The following PCDHGB5 variants were observed in gnomAD, a reference collection of about 807,000 sequenced individuals.
The protein encoded by PCDHGB5 is protocadherin gamma-B5.
A neutral mutation model predicts 62.9 loss-of-function variants in PCDHGB5; 48 were observed. That is an observed-to-expected ratio of 0.76 (90% confidence interval 0.61 to 0.97). The LOEUF (loss-of-function observed/expected upper bound fraction) is 0.97. PCDHGB5 is among the 50% of genes least tolerant of loss of function. The pLI is 0.00. For synonymous variants in PCDHGB5, 474 were observed against 511.2 expected (o/e 0.93, Z 0.98); for missense variants, 1,118 against 1,198.6 (o/e 0.93, Z 0.99).
rs531285035 is a variant in PCDHGB5, at chr5:141,493,409, C to T, written c.2398-1398C>T. Among the ~76,000 whole-genome samples, 4 of 152,286 alleles carry T rather than the reference C, an allele frequency of 2.6e-5. No homozygotes were observed. The East Asian group carries it at 7.7e-4, about 29-fold the overall frequency. On this transcript the variant is annotated intron_variant, in intron 1 of 3. Coordinates refer to ENST00000617380, the MANE Select transcript of PCDHGB5 (RefSeq NM_018925.3). The surrounding 1 kb of genome is among the most constrained non-coding windows in gnomAD (Gnocchi z 4.3). Reference sequence around the variant, plus strand: ...GGACAGGAGAGGGGAGTTGCCTCTGCTGGGATTTTGCTTCTGCTGGGATGG... The same window carrying T: ...GGACAGGAGAGGGGAGTTGCCTCTGTTGGGATTTTGCTTCTGCTGGGATGG...
chr5:141,419,085 C>T (rs759272094), intron 1 of PCDHGB5: 1 of 1,613,936 alleles, frequency 6.2e-7, no homozygotes, highest in Non-Finnish European at 8.5e-7. Flanking sequence ...ACAGATGAGG[C>T]CCTGGATCGG....
At chr5:141,483,753 G>A (rs1316976446) in intron 1 of PCDHGB5, among the ~76,000 whole-genome samples, 1 of 152,082 alleles carries the variant, frequency 6.6e-6, no homozygotes, top group Non-Finnish European at 1.5e-5. Flanking sequence ...CCTGAGGATC[G>A]AGGCTTGGAA....
At chr5:141,460,848 C>A (rs528601988) in intron 1 of PCDHGB5, among the ~76,000 whole-genome samples, 1 of 150,236 alleles carries the variant, frequency 6.7e-6, no homozygotes, top group African/African-American at 2.4e-5. Context: ...GCCTCCAGTT[C>A]GATCCAAGTT....
intron 1 of PCDHGB5, chr5:141,413,439 G>A (rs747331348): frequency 1.1e-4 from 179 of 1,613,988 alleles, no homozygotes; most frequent in Non-Finnish European, 1.4e-4. Flanking sequence ...GCGGCAGCTT[G>A]ATCACCGCGG....
At chr5:141,457,071 C>T in intron 1 of PCDHGB5, among the ~76,000 whole-genome samples, 1 of 152,188 alleles carries the variant, frequency 6.6e-6, no homozygotes, top group Non-Finnish European at 1.5e-5. Context: ...TTGCCAGTAA[C>T]TATTATCCCT....
intron 1 of PCDHGB5, 124 bp from the exon 2 acceptor site, chr5:141,494,683 C>G: frequency 6.4e-7 from 1 of 1,569,074 alleles, no homozygotes; most frequent in Non-Finnish European, 8.7e-7. Context: ...CCCCTGCCCC[C>G]TCTTAGTCCG....
At chr5:141,424,491 G>T (rs2096824224) in intron 1 of PCDHGB5, 1 of 152,122 alleles carries the variant, frequency 6.6e-6, no homozygotes, top group South Asian at 2.1e-4. Context: ...GTCTGTGTTT[G>T]TATGTATGGA....
intron 1 of PCDHGB5, chr5:141,408,586 C>G: frequency 6.2e-7 from 1 of 1,613,976 alleles, no homozygotes; most frequent in Non-Finnish European, 8.5e-7. Context: ...ATGTTAATGA[C>G]CACGCCCCTC....
rs1211398299 is a variant in PCDHGB5 at position 141,420,143 on chromosome 5, A to G, written c.2397+19619A>G. The G allele has an allele frequency of 1.2e-6, 2 of 1,614,052 alleles. No homozygotes were observed. The highest frequency in any genetic ancestry group is 2.2e-5 in the East Asian group (1 of 44,888). On this transcript the variant is annotated intron_variant, in intron 1 of 3. Transcript: ENST00000617380. The stretch of plus-strand genomic sequence containing the variant: ...TTTTTGTGTGCCTGGGGATCAAATG[A>G]ATCCAGAATTTAATTTTTTCACATC...
intron 1 of PCDHGB5, among the ~76,000 whole-genome samples, chr5:141,462,027 TG>T (rs1239347302): frequency 6.6e-6 from 1 of 152,220 alleles, no homozygotes; most frequent in African/African-American, 2.4e-5. Flanking sequence ...TTCTTCATGT[TG>T]GTCAGGCGGG....
intron 1 of PCDHGB5, among the ~76,000 whole-genome samples, chr5:141,460,888 C>T (rs530320189): frequency 1.3e-5 from 2 of 149,792 alleles, no homozygotes; most frequent in East Asian, 2.0e-4. Context: ...CATGCCTTTT[C>T]GTGGCTGAGT....
chr5:141,413,139 C>A, intron 1 of PCDHGB5: 1 of 1,553,028 alleles, frequency 6.4e-7, no homozygotes. Context: ...ACAACGTGTC[C>A]AGTGAGGACT....
chr5:141,487,403 C>T lies in PCDHGB5; in HGVS notation c.2398-7404C>T. 1 of 1,614,140 alleles carries T rather than the reference C, an allele frequency of 6.2e-7. No homozygotes were observed. Among genetic ancestry groups the T allele is most frequent in the South Asian group, 1.1e-5 (1 of 91,082 alleles). ...CAGATCTCGAAGGAGGGAGGGGCTTCCCCCTTCCAATGGGATCCTCCGAAT... is the reference window on the plus strand; with the variant it reads ...CAGATCTCGAAGGAGGGAGGGGCTTTCCCCTTCCAATGGGATCCTCCGAAT... On this transcript the variant is annotated intron_variant, in intron 1 of 3. Coordinates refer to ENST00000617380, the MANE Select transcript of PCDHGB5 (RefSeq NM_018925.3). The surrounding 1 kb of genome is among the most constrained non-coding windows in gnomAD (Gnocchi z 5.0).
intron 1 of PCDHGB5, among the ~76,000 whole-genome samples, chr5:141,460,753 A>ATATACATATTGCATATGTATG (rs1435827019): frequency 4.6e-5 from 7 of 152,094 alleles, no homozygotes; most frequent in Non-Finnish European, 1.0e-4. Flanking sequence ...ATATGTGTAC[A>ATATACATATTGCATATGTATG]TATACATATT....
chr5:141,414,965 C>T lies in PCDHGB5; in HGVS notation c.2397+14441C>T, dbSNP rs564450666. On this transcript the variant is annotated intron_variant, in intron 1 of 3. Coordinates refer to ENST00000617380, the MANE Select transcript of PCDHGB5 (RefSeq NM_018925.3). ...GGCTACCTGGTGACCAAGGTGGTGG[C>T]GGTGGACAGAGACTCCGGCCAGAAC... The T allele has an allele frequency of 7.9e-5, 127 of 1,613,962 alleles. No homozygotes were observed. The highest frequency in any genetic ancestry group is 7.7e-5 in the Non-Finnish European group (91 of 1,180,046).
At chr5:141,457,432 C>G (rs982456249) in intron 1 of PCDHGB5, among the ~76,000 whole-genome samples, 1 of 152,172 alleles carries the variant, frequency 6.6e-6, no homozygotes, top group Non-Finnish European at 1.5e-5. Context: ...TCCCCCCCAC[C>G]AAGCTGCAGA....
At chr5:141,412,509 A>G (rs1452202369) in intron 1 of PCDHGB5, 2 of 152,208 alleles carry the variant, frequency 1.3e-5, no homozygotes, top group Admixed American at 1.3e-4. Flanking sequence ...AATAAGTTTA[A>G]TGAATTAAGT....
rs140916255 is a variant in PCDHGB5, at chr5:141,475,995, C to A, written c.2398-18812C>A. 2,057 of 1,172,604 alleles carry A rather than the reference C, an allele frequency of 1.8e-3. 30 individuals carry two copies. The African/African-American group carries it at 0.027, about 16-fold the overall frequency. 72.6% of individuals were successfully genotyped at this position (1,172,604 alleles called of 1,614,324 possible). ...ACTGAACAGCCGGCGAGCAAATCAA[C>A]GGCATCCAGAAAGCCATGTCGGACT... On this transcript the variant is annotated intron_variant, in intron 1 of 3. Coordinates refer to ENST00000617380, the MANE Select transcript of PCDHGB5 (RefSeq NM_018925.3).
At chr5:141,461,501 T>A (rs113852528) in intron 1 of PCDHGB5, among the ~76,000 whole-genome samples, 4 of 152,310 alleles carry the variant, frequency 2.6e-5, no homozygotes, top group South Asian at 2.1e-4. Context: ...TTATTTTTCT[T>A]GGTGATTTGT....
Sources: allele counts gnomAD v4.1 joint callset (sites outside exome capture counted in the v4.1 genomes callset), GRCh38; gene constraint gnomAD v4.1.1; non-coding constraint Gnocchi (gnomAD v3.1); transcripts MANE v1.5; gene names NCBI Gene and HGNC (gene_info 2026-07-23, HGNC 2026-07-21).